The following ATRN variants were observed in gnomAD, a reference collection of about 807,000 sequenced individuals.
ATRN encodes attractin.
A neutral mutation model predicts 178.7 loss-of-function variants in ATRN; 54 were observed. The ratio of observed to expected loss-of-function variants is 0.30; its 90% CI spans 0.24 to 0.38. The LOEUF is 0.38. ATRN is among the 10% of genes least tolerant of loss of function. ATRN has a pLI of 1.00. For missense variants in ATRN, 1,443 were observed against 1,815.1 expected, an observed-to-expected ratio of 0.79 and a Z score of 3.73; for synonymous variants, 636 against 663.0, an observed-to-expected ratio of 0.96 and a Z score of 0.63.
At chr20:3,583,254 G>A (rs1024971412) in intron 16 of ATRN, among the ~76,000 whole-genome samples, 1 of 152,160 alleles carries the variant, frequency 6.6e-6, no homozygotes, top group African/African-American at 2.4e-5. Context: ...TTGCAAACAT[G>A]AGATTTTACA....
intron 18 of ATRN, among the ~76,000 whole-genome samples, chr20:3,587,583 C>CGT (rs2086375739): frequency 6.6e-6 from 1 of 151,974 alleles, no homozygotes; most frequent in Non-Finnish European, 1.5e-5. Context: ...GTGCAGTTGA[C>CGT]CAATGTTTCT....
At chr20:3,493,323 AT>A (rs140855155) in intron 1 of ATRN, among the ~76,000 whole-genome samples, 22,454 of 139,676 alleles carry the variant, frequency 0.16, 2,012 homozygotes, top group Non-Finnish European at 0.22. Context: ...ACCTGGCTAA[AT>A]TTTTTTTTTT....
intron 25 of ATRN, among the ~76,000 whole-genome samples, chr20:3,633,274 C>A (rs747672814): frequency 1.6e-4 from 25 of 152,130 alleles, no homozygotes; most frequent in African/African-American, 5.6e-4. Context: ...TGTCAGGGCA[C>A]CCATTGGAGG....
At chr20:3,526,746 AACAG>A (rs1160797634) in intron 1 of ATRN, among the ~76,000 whole-genome samples, 5 of 152,184 alleles carry the variant, frequency 3.3e-5, no homozygotes, top group Non-Finnish European at 5.9e-5. Flanking sequence ...AGACCAATGG[AACAG>A]AACAGAGGCC....
chr20:3,561,792 A>G (rs541114), intron 8 of ATRN, among the ~76,000 whole-genome samples: 13 of 152,336 alleles, frequency 8.5e-5, no homozygotes, highest in South Asian at 2.1e-4. Flanking sequence ...CAGTGGCACA[A>G]TCATAGCTCA....
chr20:3,545,164 C>T (rs1025179630), intron 3 of ATRN, among the ~76,000 whole-genome samples: 12 of 151,848 alleles, frequency 7.9e-5, no homozygotes, highest in Admixed American at 2.0e-4. Context: ...GTCAGGAGTT[C>T]AAGACCAGCC....
intron 1 of ATRN, among the ~76,000 whole-genome samples, chr20:3,533,480 C>T (rs1239774383): frequency 6.6e-6 from 1 of 152,160 alleles, no homozygotes; most frequent in East Asian, 1.9e-4. Context: ...GTTGAATTTT[C>T]ATGTGTGACT....
At chr20:3,621,124 C>G (rs1273380162) in intron 24 of ATRN, among the ~76,000 whole-genome samples, 1 of 152,080 alleles carries the variant, frequency 6.6e-6, no homozygotes, top group Admixed American at 6.6e-5. Flanking sequence ...ATCACACGCC[C>G]TGAGAGGGAA....
chr20:3,474,644 T>C (rs1280086961), intron 1 of ATRN, among the ~76,000 whole-genome samples: 2 of 150,900 alleles, frequency 1.3e-5, no homozygotes, highest in Non-Finnish European at 3.0e-5. Context: ...GAGGCAGAGC[T>C]TGCAGTGAGC....
chr20:3,609,054 T>C (rs1035437339), intron 24 of ATRN, among the ~76,000 whole-genome samples: 6 of 152,160 alleles, frequency 3.9e-5, no homozygotes, highest in African/African-American at 1.4e-4. Context: ...TTGTTTTTTC[T>C]ATTTCTGTGA....
Position 3,650,800 on chromosome 20 carries a change from T to C in ATRN, c.*3953T>C, listed in dbSNP as rs933412471. ...TGGCTCTGGAAATGTTTTTGTTTTA[T>C]AGTTATTTACGATTTCGTTTGTTTG... On this transcript the variant is annotated 3_prime_UTR_variant, in exon 29 of 29. Transcript: ENST00000262919. The C allele has an allele frequency of 1.3e-5, 2 of 152,704 alleles. No individual in the cohort carries two copies. Among genetic ancestry groups the C allele is most frequent in the Non-Finnish European group, 2.9e-5 (2 of 68,044 alleles). 9.5% of individuals were successfully genotyped at this position (152,704 alleles called of 1,614,324 possible).
intron 23 of ATRN, among the ~76,000 whole-genome samples, chr20:3,603,247 TAC>T (rs2086636063): frequency 6.6e-6 from 1 of 152,098 alleles, no homozygotes; most frequent in Non-Finnish European, 1.5e-5. Context: ...TCCTCCCTGC[TAC>T]AGTGGGTTAG....
chr20:3,614,453 TC>T (rs1191487207), intron 24 of ATRN, among the ~76,000 whole-genome samples: 1 of 152,176 alleles, frequency 6.6e-6, no homozygotes, highest in Non-Finnish European at 1.5e-5. Flanking sequence ...GGGTGTTTCA[TC>T]TACTGTTTTA....
At chr20:3,488,742 A>G (rs1360826921) in intron 1 of ATRN, among the ~76,000 whole-genome samples, 1 of 152,160 alleles carries the variant, frequency 6.6e-6, no homozygotes, top group Non-Finnish European at 1.5e-5. Flanking sequence ...TTCATTTTTG[A>G]CAAGAAGAAT....
rs1231819176 is a variant in ATRN at position 3,638,188 on chromosome 20, C to A, written c.3943-640C>A. 6.6e-6 allele frequency among the ~76,000 whole-genome samples: 1 copy of A among 152,132 alleles called. No individual in the cohort carries two copies. Among genetic ancestry groups the A allele is most frequent in the Admixed American group, 6.5e-5 (1 of 15,280 alleles). ...CATGTAGATTTGTTACATAGGTATACATGTGCCGTGGTGGTTTGCCGCACC... is the reference window on the plus strand; with the variant it reads ...CATGTAGATTTGTTACATAGGTATAAATGTGCCGTGGTGGTTTGCCGCACC... On this transcript the variant is annotated intron_variant, in intron 26 of 28. Coordinates refer to ENST00000262919, the MANE Select transcript of ATRN (RefSeq NM_139321.3). This position sits in a 1 kb window ranked among gnomAD's most constrained non-coding sequence, Gnocchi z 4.5.
intron 25 of ATRN, chr20:3,629,111 CG>C: frequency 1.0e-6 from 1 of 985,280 alleles, no homozygotes; most frequent in Admixed American, 6.1e-5. Context: ...GAGCTGTGGC[CG>C]TCAGTGCACT....
At chr20:3,494,768 C>G (rs1305153916) in intron 1 of ATRN, among the ~76,000 whole-genome samples, 1 of 152,114 alleles carries the variant, frequency 6.6e-6, no homozygotes, top group African/African-American at 2.4e-5. Context: ...CAGTTAGCAA[C>G]ATAGAGATGG....
chr20:3,489,746 A>G lies in ATRN; in HGVS notation c.410+18229A>G, dbSNP rs1568683706. 5.2e-6 allele frequency: 8 copies of G among 1,527,776 alleles called. No homozygotes were observed. The East Asian group carries it at 1.8e-4, about 34-fold the overall frequency. 94.6% of individuals were successfully genotyped at this position (1,527,776 alleles called of 1,614,324 possible). On this transcript the variant is annotated intron_variant, in intron 1 of 28. Coordinates refer to ENST00000262919, the MANE Select transcript of ATRN (RefSeq NM_139321.3). ...CCAAACACCTCATGCCATGAGCATG[A>G]TGCTATTCAGCAAAGTGTCACTGGA...
chr20:3,567,107 C>T (rs1273871166), intron 11 of ATRN, among the ~76,000 whole-genome samples: 1 of 152,088 alleles, frequency 6.6e-6, no homozygotes, highest in Admixed American at 6.6e-5. Context: ...GGATTTCTGG[C>T]CACCTTGCTA....
Sources: allele counts gnomAD v4.1 joint callset (sites outside exome capture counted in the v4.1 genomes callset), GRCh38; gene constraint gnomAD v4.1.1; non-coding constraint Gnocchi (gnomAD v3.1); transcripts MANE v1.5; gene names NCBI Gene and HGNC (gene_info 2026-07-23, HGNC 2026-07-21).